Variants in APOB observed in about 807,000 individuals in gnomAD.
APOB encodes the protein apolipoprotein B.
Under a neutral mutation model 314.1 loss-of-function variants are expected in APOB, and 153 were observed. That is an observed-to-expected ratio of 0.49 (90% confidence interval 0.43 to 0.56). The LOEUF (loss-of-function observed/expected upper bound fraction) is 0.56, where lower values mean the gene tolerates loss of function less well. APOB is among the 20% of genes least tolerant of loss of function. The probability of loss-of-function intolerance (pLI) is 0.00; values close to 1 mark genes in which losing one functional copy is unlikely to be tolerated. For missense variants in APOB, 5,430 were observed against 5,350.7 expected (o/e 1.01, Z -0.46); for synonymous variants, 2,087 against 2,036.4 (o/e 1.02, Z -0.67).
chr2:21,012,317 C>G lies in APOB; in HGVS notation c.4551G>C (p.Glu1517Asp). 6.2e-7 allele frequency: 1 copy of G among 1,614,156 alleles called. No homozygotes were observed. Among genetic ancestry groups the G allele is most frequent in the Non-Finnish European group, 8.5e-7 (1 of 1,180,034 alleles). The change falls in exon 26 of 29, where the codon GAG becomes GAC. Residue 1517 changes from glutamate (E) to aspartate (D), a missense_variant. By Grantham distance (45) the Glu-to-Asp change is conservative (BLOSUM62 2). Coordinates refer to ENST00000233242, the MANE Select transcript of APOB (RefSeq NM_000384.3). ...RDPNTGRLNG[E>D]SNLRFNSSYL... ...AGGAGGAGTTAAACCTCAGGTTGGA[C>G]TCTCCATTGAGCCGGCCAGTGTTAG...
Position 21,009,928 on chromosome 2 carries a change from G to T in APOB, c.6940C>A (p.Leu2314Ile). ...ATAACAAAGTGTTTGACATGCTCAA[G>T]AATGTCATTTATTCTTTCAAATGAA... ...TISFERINDI[L>I]EHVKHFVINL... The change falls in exon 26 of 29, where the codon CTT (leucine) becomes ATT (isoleucine). Residue 2314 changes from leucine (L) to isoleucine (I), a missense_variant. By Grantham distance (5) the Leu-to-Ile change is conservative. Transcript: ENST00000233242. The T allele has an allele frequency of 6.2e-7, 1 of 1,613,872 alleles. No individual in the cohort carries two copies. The highest frequency in any genetic ancestry group is 8.5e-7 in the Non-Finnish European group (1 of 1,179,858).
At chr2:21,016,382 A>G in intron 21 of APOB, 57 bp downstream of exon 21, 1 of 913,868 alleles carries the variant, frequency 1.1e-6, no homozygotes, top group Non-Finnish European at 1.8e-6. Context: ...AAGAGGAATA[A>G]TGAAAAGAAC....
In APOB at chr2:21,011,032, A is replaced by C; in HGVS notation, c.5836T>G (p.Tyr1946Asp). The change falls in exon 26 of 29, where the codon TAC becomes GAC. Residue 1946 changes from tyrosine (Y) to aspartate (D), a missense_variant. This residue lies in a region of APOB where 3,281 missense variants were observed against 3,171.0 expected (regional missense o/e 1.03). Transcript: ENST00000233242. ...AGATGATGACTTGTGGAGCCTTTGT[A>C]ATCATGAGAGAAAGTAAATGCCAGA... is the stretch of plus-strand genomic sequence containing the variant. ...EPLAFTFSHD[Y>D]KGSTSHHLVS... The C allele has an allele frequency of 6.2e-7, 1 of 1,614,174 alleles. No individual in the cohort carries two copies.
Position 21,005,311 on chromosome 2 carries a change from G to A in APOB, c.11557C>T (p.Pro3853Ser). The change falls in exon 26 of 29, where the codon CCC becomes TCC. Residue 3853 changes from proline to serine, a missense_variant. By Grantham distance (74) the Pro-to-Ser change is moderately conservative. Transcript: ENST00000233242. ...GTCTGCTCAGGCACGATGATGGTGG[G>A]CAACTCAAAGTCTGCGATCTTGTTG... ...VANKIADFEL[P>S]TIIVPEQTIE... The A allele has an allele frequency of 6.2e-7, 1 of 1,614,062 alleles. No individual in the cohort carries two copies. The highest frequency in any genetic ancestry group is 8.5e-7 in the Non-Finnish European group (1 of 1,179,952).
At chr2:21,030,113 T>C in intron 10 of APOB, 98 bp from the exon 11 acceptor site, 1 of 795,182 alleles carries the variant, frequency 1.3e-6, no homozygotes, top group East Asian at 2.6e-5. Flanking sequence ...ATAAAATTCA[T>C]ATGGAATCCA....
intron 1 of APOB, 49 bp from the exon 2 acceptor site, chr2:21,043,600 G>C (rs767103346): frequency 1.9e-6 from 3 of 1,572,018 alleles, no homozygotes; most frequent in Non-Finnish European, 2.6e-6. Context: ...TCTTCCCAGC[G>C]GGTGCTAGGG....
Position 21,002,559 on chromosome 2 carries a change from T to C in APOB, c.12863A>G (p.Gln4288Arg), listed in dbSNP as rs764903010. The C allele has an allele frequency of 3.7e-6, 6 of 1,613,976 alleles. No individual in the cohort carries two copies. Among genetic ancestry groups the C allele is most frequent in the Non-Finnish European group, 5.1e-6 (6 of 1,179,958 alleles). Residue 4288 changes from glutamine (Q) to arginine (R), a missense_variant, in exon 29 of 29, where the codon CAG becomes CGG. By Grantham distance (43) the Gln-to-Arg change is conservative (BLOSUM62 1). Transcript: ENST00000233242. ...TAGCACCTCTGTGGTCTTGAGAGACTGAATGGCTTTAAATACCTCTTGGGC... is the reference window on the plus strand; with the variant it reads ...TAGCACCTCTGTGGTCTTGAGAGACCGAATGGCTTTAAATACCTCTTGGGC... ...KEAQEVFKAI[Q>R]SLKTTEVLRN...
Position 21,007,650 on chromosome 2 carries a change from T to A in APOB, c.9218A>T (p.Asn3073Ile). ...RLTGKIDFLN[N>I]YALFLSPSAQ... ...ACTGGGACTCAGAAACAGTGCATAG[T>A]TATTCAGGAAGTCTATCTTCCCTGT... The change falls in exon 26 of 29, where the codon AAC becomes ATC. Residue 3073 changes from asparagine to isoleucine, a missense_variant. Asn to Ile is a moderately radical substitution (Grantham distance 149). This residue lies in a region of APOB where 3,281 missense variants were observed against 3,171.0 expected (regional missense o/e 1.03). Coordinates refer to ENST00000233242, the MANE Select transcript of APOB (RefSeq NM_000384.3). 1 of 1,614,114 alleles carries A rather than the reference T, an allele frequency of 6.2e-7. No individual in the cohort carries two copies. The highest frequency in any genetic ancestry group is 2.2e-5 in the East Asian group (1 of 44,884).
chr2:21,036,963 G>A (rs1664016628), intron 6 of APOB, 137 bp downstream of exon 6: 2 of 1,108,510 alleles, frequency 1.8e-6, no homozygotes, highest in Non-Finnish European at 2.7e-6. Flanking sequence ...TGCCTGCTCA[G>A]GGTCCTATCT....
Position 21,005,138 on chromosome 2 carries a change from T to A in APOB, c.11730A>T (p.Glu3910Asp). The part of the protein sequence containing the change: ...ASLKNKADYV[E>D]TVLDSTCSST... ...AGCTGCATGTGGAATCCAGGACTGT[T>A]TCAACATAATCTGCTTTGTTTTTCA... Residue 3910 changes from glutamate to aspartate, a missense_variant, in exon 26 of 29, where the codon GAA (glutamate) becomes GAT (aspartate). Glu to Asp is a conservative substitution (Grantham distance 45, BLOSUM62 2). Coordinates refer to ENST00000233242, the MANE Select transcript of APOB (RefSeq NM_000384.3). The A allele has an allele frequency of 6.2e-7, 1 of 1,614,050 alleles. No homozygotes were observed. Among genetic ancestry groups the A allele is most frequent in the Non-Finnish European group, 8.5e-7 (1 of 1,179,934 alleles).
Position 21,025,002 on chromosome 2 carries a change from G to C in APOB, c.2367C>G (p.Leu789=). 1 of 1,614,250 alleles carries C rather than the reference G, an allele frequency of 6.2e-7. No homozygotes were observed. The highest frequency in any genetic ancestry group is 1.3e-5 in the African/African-American group (1 of 75,074). Reference sequence around the variant, plus strand: ...GCTTTCCCAGGAGCTGGAGGTCATGGAGACTGGCAAAACCAAGCTCCTCTC... The same window carrying C: ...GCTTTCCCAGGAGCTGGAGGTCATGCAGACTGGCAAAACCAAGCTCCTCTC... The part of the protein sequence containing the change: ...ILGEELGFAS[L]HDLQLLGKLL... Residue 789 remains leucine (L), a synonymous_variant, in exon 16 of 29, where the codon CTC becomes CTG. Coordinates refer to ENST00000233242, the MANE Select transcript of APOB (RefSeq NM_000384.3).
chr2:21,041,195 A>G, intron 3 of APOB, 112 bp from the exon 4 acceptor site: 2 of 1,126,758 alleles, frequency 1.8e-6, no homozygotes, highest in African/African-American at 1.5e-5. Flanking sequence ...GGTGCTGGGA[A>G]CACCACTGCC....
Position 21,007,528 on chromosome 2 carries a change from G to A in APOB, c.9340C>T (p.His3114Tyr). Reference sequence around the variant, plus strand: ...TTTGCTTCTCCATTTATTCCTACATGGGCCTCCATAATGTTCTCGTTGTTT... The same window carrying A: ...TTTGCTTCTCCATTTATTCCTACATAGGCCTCCATAATGTTCTCGTTGTTT... ...AGNNENIMEA[H>Y]VGINGEANLD... The change falls in exon 26 of 29, where the codon CAT (histidine) becomes TAT (tyrosine). Residue 3114 changes from histidine (H) to tyrosine (Y), a missense_variant. This residue lies in a region of APOB where 3,281 missense variants were observed against 3,171.0 expected (regional missense o/e 1.03). Coordinates refer to ENST00000233242, the MANE Select transcript of APOB (RefSeq NM_000384.3). 1 of 1,614,048 alleles carries A rather than the reference G, an allele frequency of 6.2e-7. No homozygotes were observed. The highest frequency in any genetic ancestry group is 8.5e-7 in the Non-Finnish European group (1 of 1,179,966).
rs779232665 is a variant in APOB at position 21,022,871 on chromosome 2, T to A, written c.2776A>T (p.Ile926Phe). 1.9e-6 allele frequency: 3 copies of A among 1,614,160 alleles called. No individual in the cohort carries two copies. The South Asian group carries it at 3.3e-5, about 18-fold the overall frequency. ...TTGACTGGTCTCTTTGGGGAAGGAATGATAAACTTCAGCTTCCCAGCTTTT... is the reference window on the plus strand; with the variant it reads ...TTGACTGGTCTCTTTGGGGAAGGAAAGATAAACTTCAGCTTCCCAGCTTTT... ...ALKAGKLKFI[I>F]PSPKRPVKLL... is the part of the protein sequence containing the mutation. The change falls in exon 18 of 29, where the codon ATT (isoleucine) becomes TTT (phenylalanine). Residue 926 changes from isoleucine (I) to phenylalanine (F), a missense_variant. Ile to Phe is a conservative substitution (Grantham distance 21, BLOSUM62 0). Transcript: ENST00000233242.
Position 21,037,186 on chromosome 2 carries a change from T to C in APOB, c.607A>G (p.Ile203Val), listed in dbSNP as rs72653059. 1,055 of 1,614,200 alleles carry C rather than the reference T, an allele frequency of 6.5e-4. 4 individuals are homozygous for C. In the African/African-American group the frequency reaches 0.012, roughly 19 times the overall value. ...TGCCCCAGGTCTCTTTCAGTGGATATTTCTGTTGCCACATTGCCCTTCCTC... is the reference window on the plus strand; with the variant it reads ...TGCCCCAGGTCTCTTTCAGTGGATACTTCTGTTGCCACATTGCCCTTCCTC... ...KTRKGNVATEISTERDLGQCD... is the reference protein window; with the variant it reads ...KTRKGNVATEVSTERDLGQCD... Residue 203 changes from isoleucine to valine, a missense_variant, in exon 6 of 29, where the codon ATA becomes GTA. Transcript: ENST00000233242.
chr2:21,003,080 C>A lies in APOB; in HGVS notation c.12342G>T (p.Trp4114Cys), dbSNP rs1045593499. ...TTTGCCTAATGGCCCCTTGATAAAC[C>A]CACTCAGCATTGTTCTGCAGATTTC... ...LRRNLQNNAE[W>C]VYQGAIRQID... The change falls in exon 29 of 29, where the codon TGG (tryptophan) becomes TGT (cysteine). Residue 4114 changes from tryptophan (W) to cysteine (C), a missense_variant. Around this residue, in one of 3 missense-constraint regions of APOB, gnomAD observed 3,281 missense variants for 3,171.0 expected, o/e 1.03. Transcript: ENST00000233242. 1.9e-6 allele frequency: 3 copies of A among 1,580,048 alleles called. No homozygotes were observed. The highest frequency in any genetic ancestry group is 2.3e-5 in the South Asian group (2 of 85,558).
Position 21,027,945 on chromosome 2 carries a change from T to G in APOB, c.1950A>C (p.Pro650=). ...YKSVSLPSLD[P]ASAKIEGNLI... ...GATTCCCTTCTATTTTGGCTGAGGCTGGGTCAAGTGATGGAAGAGAAACAG... is the reference window on the plus strand; with the variant it reads ...GATTCCCTTCTATTTTGGCTGAGGCGGGGTCAAGTGATGGAAGAGAAACAG... Residue 650 remains proline, a synonymous_variant, in exon 14 of 29, where the codon CCA becomes CCC. Coordinates refer to ENST00000233242, the MANE Select transcript of APOB (RefSeq NM_000384.3). 6.2e-7 allele frequency: 1 copy of G among 1,614,062 alleles called. No individual in the cohort carries two copies.
At chr2:21,015,979 T>C (rs779999755) in intron 21 of APOB, among the ~76,000 whole-genome samples, 1 of 152,168 alleles carries the variant, frequency 6.6e-6, no homozygotes, top group Non-Finnish European at 1.5e-5. Flanking sequence ...CAACTGGACA[T>C]GCGCAGAGGG....
In APOB at chr2:21,010,441, T is replaced by G; in HGVS notation, c.6427A>C (p.Thr2143Pro). 5 of 1,607,530 alleles carry G rather than the reference T, an allele frequency of 3.1e-6. No homozygotes were observed. Among genetic ancestry groups the G allele is most frequent in the Non-Finnish European group, 4.3e-6 (5 of 1,175,290 alleles). Reference protein sequence around the residue: ...RQVSHAKEKLTALTKKYRITE... With the variant: ...RQVSHAKEKLPALTKKYRITE... Reference sequence around the variant, plus strand: ...ATTCTATACTTTTTTGTGAGAGCAGTCAGTTTCTCCTTGGCATGTGAAACT... The same window carrying G: ...ATTCTATACTTTTTTGTGAGAGCAGGCAGTTTCTCCTTGGCATGTGAAACT... The change falls in exon 26 of 29, where the codon ACT becomes CCT. Residue 2143 changes from threonine (T) to proline (P), a missense_variant. By Grantham distance (38) the Thr-to-Pro change is conservative. Transcript: ENST00000233242.
Sources: allele counts gnomAD v4.1 joint callset (sites outside exome capture counted in the v4.1 genomes callset), GRCh38; gene constraint gnomAD v4.1.1; regional missense constraint gnomAD v4.1.1; transcripts MANE v1.5; gene names NCBI Gene and HGNC (gene_info 2026-07-23, HGNC 2026-07-21).